CCDC7: variants seen among roughly 807,000 people sequenced by gnomAD.
The protein encoded by CCDC7 is coiled-coil domain-containing protein 7.
Under a neutral mutation model 196.9 loss-of-function variants are expected in CCDC7, and 183 were observed. The observed-to-expected ratio is 0.93, with a 90% CI of 0.82 to 1.05. The LOEUF (loss-of-function observed/expected upper bound fraction) is 1.05. Among genes scored for constraint, CCDC7 ranks in the 50% least tolerant of loss-of-function variants. The pLI is 0.00. For synonymous variants in CCDC7, 525 were observed against 484.6 expected (o/e 1.08, Z -1.10); for missense variants, 1,540 against 1,482.2 (o/e 1.04, Z -0.64).
chr10:32,610,227 C>T (rs1292470018), intron 18 of CCDC7, among the ~76,000 whole-genome samples: 3 of 152,070 alleles, frequency 2.0e-5, no homozygotes, highest in Non-Finnish European at 2.9e-5. Flanking sequence ...GCCTCAGCCT[C>T]CCGAGTAGCT....
chr10:32,841,979 T>A (rs4934743), intron 33 of CCDC7, among the ~76,000 whole-genome samples: 150,407 of 152,212 alleles, frequency 0.99, 74,335 homozygotes, highest in Middle Eastern at 1. Flanking sequence ...TAAATCTAAG[T>A]CTTGAAATCA....
At chr10:32,839,333 A>G (rs2092823947) in intron 33 of CCDC7, among the ~76,000 whole-genome samples, 1 of 151,904 alleles carries the variant, frequency 6.6e-6, no homozygotes, top group African/African-American at 2.4e-5. Flanking sequence ...GTGCAAATGG[A>G]CATCAAAAGC....
intron 13 of CCDC7, 125 bp downstream of exon 14, chr10:32,544,426 C>CTG (rs955179261): frequency 2.3e-5 from 20 of 880,480 alleles, no homozygotes; most frequent in South Asian, 7.5e-5. Flanking sequence ...GTATGTGTCT[C>CTG]TGTGTGTGTG....
At chr10:32,571,800 C>T in intron 15 of CCDC7, 59 bp from the exon 17 acceptor site, 1 of 1,405,036 alleles carries the variant, frequency 7.1e-7, no homozygotes, top group Non-Finnish European at 9.4e-7. Context: ...TTCTAAATGA[C>T]TGTAAACATT....
intron 28 of CCDC7, among the ~76,000 whole-genome samples, chr10:32,731,926 G>A (rs939925644): frequency 6.6e-6 from 1 of 152,140 alleles, no homozygotes; most frequent in African/African-American, 2.4e-5. Flanking sequence ...GGTGGCACGC[G>A]CCTGTAGTCC....
intron 9 of CCDC7, among the ~76,000 whole-genome samples, chr10:32,497,015 T>A (rs945565557): frequency 1.3e-5 from 2 of 152,208 alleles, no homozygotes; most frequent in African/African-American, 2.4e-5. Flanking sequence ...TGAATCCGTC[T>A]GGTCCTGGAC....
intron 18 of CCDC7, among the ~76,000 whole-genome samples, chr10:32,614,495 G>C (rs1333221): frequency 0.086 from 13,047 of 152,108 alleles, 880 homozygotes; most frequent in South Asian, 0.25. Flanking sequence ...TATGAAGCCA[G>C]CTGGTTATTT....
intron 9 of CCDC7, among the ~76,000 whole-genome samples, chr10:32,516,070 GA>G (rs199590441): frequency 2.7e-5 from 4 of 149,828 alleles, no homozygotes; most frequent in East Asian, 2.0e-4. Flanking sequence ...TCAAAAACAT[GA>G]AAAAAAACCA....
intron 28 of CCDC7, among the ~76,000 whole-genome samples, chr10:32,772,827 G>A (rs1190817990): frequency 6.6e-6 from 1 of 152,172 alleles, no homozygotes; most frequent in Non-Finnish European, 1.5e-5. Context: ...GGGTGTGTAT[G>A]CCAGAGGCAA....
chr10:32,762,165 G>A (rs961540575), intron 28 of CCDC7, among the ~76,000 whole-genome samples: 8 of 151,896 alleles, frequency 5.3e-5, no homozygotes, highest in African/African-American at 1.4e-4. Context: ...ATAGTGTTCC[G>A]CAACATTTAC....
chr10:32,483,012 C>G (rs113601036), intron 8 of CCDC7, among the ~76,000 whole-genome samples: 4 of 151,950 alleles, frequency 2.6e-5, no homozygotes, highest in African/African-American at 9.7e-5. Flanking sequence ...GGGTATATAC[C>G]CAGTAATGGG....
chr10:32,556,466 T>G (rs755558771), intron 13 of CCDC7, among the ~76,000 whole-genome samples: 5 of 152,154 alleles, frequency 3.3e-5, no homozygotes, highest in African/African-American at 7.2e-5. Flanking sequence ...AAATTTTTTA[T>G]CTATATCAAG....
At chr10:32,847,714 CTA>C (rs2093364742) in intron 37 of CCDC7, 117 bp from the exon 39 acceptor site, 1 of 617,110 alleles carries the variant, frequency 1.6e-6, no homozygotes. Context: ...GATCCTGTCT[CTA>C]AAAAAAAAAA....
At chr10:32,477,767 G>A (rs1049652282) in intron 8 of CCDC7, among the ~76,000 whole-genome samples, 3 of 152,144 alleles carry the variant, frequency 2.0e-5, no homozygotes, top group African/African-American at 7.2e-5. Context: ...TATTGAAGTT[G>A]GGTAGTGTCA....
intron 29 of CCDC7, among the ~76,000 whole-genome samples, chr10:32,784,207 AATTTTATTTT>A (rs771254824): frequency 3.9e-5 from 6 of 152,144 alleles, no homozygotes; most frequent in South Asian, 4.1e-4. Context: ...TTACAAAAGA[AATTTTATTTT>A]ATTTTATTTT....
chr10:32,793,212 T>C lies in CCDC7; in HGVS notation c.3014-11803T>C, dbSNP rs577505886. 7.9e-5 allele frequency among the ~76,000 whole-genome samples: 12 copies of C among 152,302 alleles called. No individual in the cohort carries two copies. The South Asian group carries it at 1.4e-3, about 18-fold the overall frequency. On this transcript the variant is annotated intron_variant, in intron 29 of 41. Coordinates refer to ENST00000639629, the Ensembl canonical transcript of CCDC7. ...ACTACTTTTATGTCTGGTAGTAGAT[T>C]ACATATGTCCATTGGAAGATTACAT...
chr10:32,488,959 G>A (rs1002442513), intron 8 of CCDC7, among the ~76,000 whole-genome samples: 7 of 152,164 alleles, frequency 4.6e-5, no homozygotes, highest in Non-Finnish European at 2.9e-5. Flanking sequence ...TTCGGCTGTG[G>A]TTGATATGGG....
chr10:32,648,234 T>C (rs939171274), intron 20 of CCDC7, among the ~76,000 whole-genome samples: 3 of 152,212 alleles, frequency 2.0e-5, no homozygotes, highest in African/African-American at 7.2e-5. Context: ...ATTGTGGCTT[T>C]ATAGTATAGT....
chr10:32,704,691 C>T (rs1366146020), intron 24 of CCDC7, among the ~76,000 whole-genome samples: 4 of 152,140 alleles, frequency 2.6e-5, no homozygotes, highest in Non-Finnish European at 4.4e-5. Context: ...TTTTTAGCTA[C>T]TCAAGCCTCA....
Sources: allele counts gnomAD v4.1 joint callset (sites outside exome capture counted in the v4.1 genomes callset), GRCh38; gene constraint gnomAD v4.1.1; transcripts MANE v1.5; gene names NCBI Gene and HGNC (gene_info 2026-07-23, HGNC 2026-07-21).